The following CACNB2 variants were observed in gnomAD, a reference collection of about 807,000 sequenced individuals.
CACNB2 encodes voltage-dependent L-type calcium channel subunit beta-2.
Under a neutral mutation model 73.3 loss-of-function variants are expected in CACNB2, and 42 were observed. That is an observed-to-expected ratio of 0.57 (90% CI 0.45 to 0.74). The LOEUF is 0.74. Among genes scored for constraint, CACNB2 ranks in the 30% least tolerant of loss-of-function variants. CACNB2 has a pLI of 0.00. For synonymous variants in CACNB2, 348 were observed against 310.3 expected (o/e 1.12, Z -1.28); for missense variants, 940 against 853.0 (o/e 1.10, Z -1.27).
chr10:18,458,461 A>G (rs1296113102), intron 3 of CACNB2, among the ~76,000 whole-genome samples: 2 of 152,220 alleles, frequency 1.3e-5, no homozygotes, highest in Admixed American at 1.3e-4. Context: ...CTCAGTACAT[A>G]CTAGTACTCA....
intron 2 of CACNB2, among the ~76,000 whole-genome samples, chr10:18,389,500 T>C (rs2043372951): frequency 6.6e-6 from 1 of 152,208 alleles, no homozygotes; most frequent in African/African-American, 2.4e-5. Context: ...GTTTTGTTTT[T>C]GTTGTTGTTT....
chr10:18,353,470 C>G (rs1457895090), intron 2 of CACNB2, among the ~76,000 whole-genome samples: 2 of 151,870 alleles, frequency 1.3e-5, no homozygotes, highest in African/African-American at 2.4e-5. Context: ...TTGGAAAAGT[C>G]TTAGTTAAGG....
intron 2 of CACNB2, among the ~76,000 whole-genome samples, chr10:18,315,669 G>A (rs1227522654): frequency 1.3e-5 from 2 of 151,602 alleles, no homozygotes; most frequent in African/African-American, 4.9e-5. Flanking sequence ...ACTCCAACCT[G>A]TGTGCTAGAG....
rs143091833 is a variant in CACNB2, at chr10:18,186,568, T to C, written c.213+35593T>C. Among the ~76,000 whole-genome samples the C allele has an allele frequency of 2.8e-3, 427 of 152,166 alleles. 1 individual carries two copies. Among genetic ancestry groups the C allele is most frequent in the East Asian group, 0.026 (134 of 5,170 alleles). ...GGAGGCCTCAGGAAACTTACAGTCA[T>C]GGTGGAAGGCAAAGGGGGAGAAGGC... On this transcript the variant is annotated intron_variant, in intron 2 of 13. Coordinates refer to ENST00000324631, the MANE Select transcript of CACNB2 (RefSeq NM_201596.3).
At chr10:18,432,069 T>G (rs1197162628) in intron 3 of CACNB2, among the ~76,000 whole-genome samples, 1 of 152,206 alleles carries the variant, frequency 6.6e-6, no homozygotes, top group East Asian at 1.9e-4. Context: ...GGCCCAAGAC[T>G]ATTATTTATG....
At chr10:18,201,401 A>G (rs1330996001) in intron 2 of CACNB2, among the ~76,000 whole-genome samples, 5 of 151,942 alleles carry the variant, frequency 3.3e-5, no homozygotes, top group African/African-American at 1.2e-4. Flanking sequence ...CAGCCTCCCA[A>G]GTAGCTGGGA....
intron 2 of CACNB2, among the ~76,000 whole-genome samples, chr10:18,189,570 C>T (rs1408146270): frequency 6.6e-6 from 1 of 152,192 alleles, no homozygotes; most frequent in Non-Finnish European, 1.5e-5. Flanking sequence ...TTTGCTATGG[C>T]AGGATACTAT....
In CACNB2 at chr10:18,307,983, C is replaced by CATTTTTTTTTT. The variant is rs1356604464; in HGVS notation, c.214-93941_214-93940insATTTTTTTTTT. Among the ~76,000 whole-genome samples the CATTTTTTTTTT allele has an allele frequency of 2.8e-4, 20 of 70,244 alleles. 4 individuals are homozygous for CATTTTTTTTTT. Among genetic ancestry groups the CATTTTTTTTTT allele is most frequent in the African/African-American group, 1.1e-3 (19 of 16,764 alleles). The allele number at this position is 70,244 out of a possible 152,430, so 46.1% of individuals were successfully genotyped here. A position where few individuals can be genotyped will look rare whatever the true frequency, so the allele number is the denominator to read the frequency against. On this transcript the variant is annotated intron_variant, in intron 2 of 13. Coordinates refer to ENST00000324631, the MANE Select transcript of CACNB2 (RefSeq NM_201596.3). ...TTAAGTCTAAAATAATATATGCCAA[C>CATTTTTTTTTT]TTTTTTTTTTTTTTTTTTTTTTTTT...
intron 3 of CACNB2, among the ~76,000 whole-genome samples, chr10:18,406,296 T>G (rs1473329325): frequency 2.0e-5 from 3 of 152,144 alleles, no homozygotes; most frequent in Non-Finnish European, 4.4e-5. Flanking sequence ...GAGAAAATCC[T>G]TCTTGGAGGA....
chr10:18,189,442 T>C (rs1404596917), intron 2 of CACNB2, among the ~76,000 whole-genome samples: 3 of 152,334 alleles, frequency 2.0e-5, no homozygotes, highest in Admixed American at 6.5e-5. Flanking sequence ...GATATATGTA[T>C]ATATTTTATG....
At chr10:18,271,032 A>G (rs928904723) in intron 2 of CACNB2, among the ~76,000 whole-genome samples, 3 of 152,192 alleles carry the variant, frequency 2.0e-5, no homozygotes, top group Non-Finnish European at 4.4e-5. Flanking sequence ...AGCTTCCCCT[A>G]GATACTTCAT....
At chr10:18,476,779 G>A in intron 3 of CACNB2, among the ~76,000 whole-genome samples, 1 of 152,194 alleles carries the variant, frequency 6.6e-6, no homozygotes, top group East Asian at 1.9e-4. Context: ...TAAGGAGGCT[G>A]AGGCAGCCCA....
At chr10:18,333,553 T>A (rs1256289601) in intron 2 of CACNB2, among the ~76,000 whole-genome samples, 1 of 152,242 alleles carries the variant, frequency 6.6e-6, no homozygotes. Context: ...TGAAATTGTT[T>A]CCTACTTTTA....
intron 2 of CACNB2, chr10:18,340,998 C>A: frequency 6.2e-7 from 1 of 1,612,934 alleles, no homozygotes. Flanking sequence ...GGGAGAGAAG[C>A]CGGCCAGATG....
chr10:18,155,543 C>T (rs117758161), intron 2 of CACNB2, among the ~76,000 whole-genome samples: 2 of 152,292 alleles, frequency 1.3e-5, no homozygotes, highest in East Asian at 3.9e-4. Context: ...TCCTTTCATA[C>T]ACATATGTAT....
At chr10:18,351,918 A>C (rs2041722184) in intron 2 of CACNB2, among the ~76,000 whole-genome samples, 2 of 152,210 alleles carry the variant, frequency 1.3e-5, no homozygotes, top group South Asian at 4.1e-4. Context: ...GAGTGATGAC[A>C]TTTAAAACAC....
intron 2 of CACNB2, among the ~76,000 whole-genome samples, chr10:18,188,167 C>T (rs1205728986): frequency 6.6e-6 from 1 of 152,118 alleles, no homozygotes; most frequent in African/African-American, 2.4e-5. Flanking sequence ...GCAAACTTTA[C>T]AGGGCCATTT....
At chr10:18,362,392 TG>T (rs1208434135) in intron 2 of CACNB2, among the ~76,000 whole-genome samples, 2 of 152,238 alleles carry the variant, frequency 1.3e-5, no homozygotes, top group African/African-American at 4.8e-5. Context: ...GTAAAATTTA[TG>T]AAAATTTGAC....
Position 18,538,265 on chromosome 10 carries a change from CCA to C in CACNB2, c.1390_1391del (p.Thr464ProfsTer6). The C allele has an allele frequency of 6.2e-7, 1 of 1,614,042 alleles. No homozygotes were observed. Among genetic ancestry groups the C allele is most frequent in the Non-Finnish European group, 8.5e-7 (1 of 1,179,914 alleles). ...GACTATCTGGAGGCCTACTGGAAGG[CCA>C]CCCATCCTCCCAGCAGTAGCCTCCC... On this transcript the variant is annotated frameshift_variant, in exon 13 of 14. Transcript: ENST00000324631. LOFTEE classifies it high-confidence loss of function.
Sources: gnomAD v4.1 joint callset for allele counts (sites outside exome capture counted in the v4.1 genomes callset) on GRCh38, gnomAD v4.1.1 for gene constraint, MANE v1.5 for transcripts, NCBI Gene and HGNC (gene_info 2026-07-23, HGNC 2026-07-21) for gene names.